DUS3L: variants seen among roughly 807,000 people sequenced by gnomAD.
The protein encoded by DUS3L is tRNA-dihydrouridine(47) synthase [NAD(P)(+)]-like.
A neutral mutation model predicts 74.6 loss-of-function variants in DUS3L; 62 were observed. The ratio of observed to expected loss-of-function variants is 0.83; its 90% CI spans 0.68 to 1.03. The LOEUF is 1.03. Among genes scored for constraint, DUS3L ranks in the 50% least tolerant of loss-of-function variants. DUS3L has a pLI of 0.00. For synonymous variants in DUS3L, 433 were observed against 395.7 expected, an observed-to-expected ratio of 1.09 and a Z score of -1.12; for missense variants, 884 against 924.4, an observed-to-expected ratio of 0.96 and a Z score of 0.57.
chr19:5,790,286 G>T lies in DUS3L; in HGVS notation c.148C>A (p.Gln50Lys). The part of the protein sequence containing the change: ...QFHQFLEAKG[Q>K]EKTCRETEVG... ...TCGGTTTCCCGGCAAGTCTTCTCCT[G>T]CCCTTTGGCTTCCAGGAATTGGTGA... The change falls in exon 2 of 13, where the codon CAG (glutamine) becomes AAG (lysine). Residue 50 changes from glutamine (Q) to lysine (K), a missense_variant. Physicochemically the swap from Gln to Lys is moderately conservative, Grantham distance 53. Transcript: ENST00000309061. 1.2e-6 allele frequency: 2 copies of T among 1,614,162 alleles called. No individual in the cohort carries two copies. The highest frequency in any genetic ancestry group is 1.7e-6 in the Non-Finnish European group (2 of 1,180,042).
chr19:5,785,400 G>C lies in DUS3L; in HGVS notation c.1863C>G (p.Ala621=), dbSNP rs563573076. ...CCAGGCACCTGATGCGGATCCAGTCGGCTGCCTTCTGGCTGGCCATCAGCG... is the reference window on the plus strand; with the variant it reads ...CCAGGCACCTGATGCGGATCCAGTCCGCTGCCTTCTGGCTGGCCATCAGCG... ...LETLMASQKA[A]DWIRISEMLL... Residue 621 remains alanine, a synonymous_variant, in exon 12 of 13, where the codon GCC becomes GCG. Transcript: ENST00000309061. 6.3e-7 allele frequency: 1 copy of C among 1,595,772 alleles called. No individual in the cohort carries two copies. The highest frequency in any genetic ancestry group is 2.2e-5 in the East Asian group (1 of 44,582).
At position 5,785,276 on chromosome 19, in the gene DUS3L, C is replaced by T. The variant is rs2056829687; in HGVS notation, c.1881-1G>A. 3 of 1,611,180 alleles carry T rather than the reference C, an allele frequency of 1.9e-6. No homozygotes were observed. The highest frequency in any genetic ancestry group is 1.3e-5 in the African/African-American group (1 of 75,042). ...GGGCACTGGCCCAAGGAGCATCTCG[C>T]TGTGGGAGAGCAGGTGGAAAGCGAG... On this transcript the variant is annotated splice_acceptor_variant, in intron 12 of 12. Coordinates refer to ENST00000309061, the MANE Select transcript of DUS3L (RefSeq NM_020175.3). LOFTEE classifies it high-confidence loss of function.
chr19:5,787,737 G>T, intron 5 of DUS3L, 32 bp from the exon 6 acceptor site: 1 of 1,604,578 alleles, frequency 6.2e-7, no homozygotes. Context: ...ACAGGAGGGT[G>T]AGGGGAGAGT....
At position 5,785,458 on chromosome 19, in the gene DUS3L, G is replaced by A. The variant is rs746718058; in HGVS notation, c.1805C>T (p.Pro602Leu). Residue 602 changes from proline to leucine, a missense_variant, in exon 12 of 13, where the codon CCG becomes CTG. Physicochemically the swap from Pro to Leu is moderately conservative, Grantham distance 98 (BLOSUM62 -3). Transcript: ENST00000309061. ...ERLPQRINER[P>L]PYYLGRDYLE... Reference sequence around the variant, plus strand: ...GTAGTCGCGGCCCAGGTAGTAGGGCGGCCGCTCGTTGATCCTCTGTGGGAG... The same window carrying A: ...GTAGTCGCGGCCCAGGTAGTAGGGCAGCCGCTCGTTGATCCTCTGTGGGAG... 1.6e-5 allele frequency: 26 copies of A among 1,585,774 alleles called. No homozygotes were observed. The highest frequency in any genetic ancestry group is 9.4e-5 in the African/African-American group (7 of 74,458).
chr19:5,790,919 C>G, intron 1 of DUS3L, 125 bp downstream of exon 1: 1 of 950,536 alleles, frequency 1.1e-6, no homozygotes. Context: ...GAAGAACGGC[C>G]CGGAATGAAG....
intron 1 of DUS3L, 84 bp downstream of exon 1, chr19:5,790,960 C>T (rs1001076536): frequency 2.5e-5 from 34 of 1,361,734 alleles, no homozygotes; most frequent in Non-Finnish European, 3.4e-5. Flanking sequence ...CAGCCGCTGC[C>T]TAATCTCCCG....
Position 5,790,186 on chromosome 19 carries a change from G to A in DUS3L, c.248C>T (p.Ala83Val), listed in dbSNP as rs1208235354. 2 of 1,613,992 alleles carry A rather than the reference G, an allele frequency of 1.2e-6. No individual in the cohort carries two copies. Among genetic ancestry groups the A allele is most frequent in the African/African-American group, 2.7e-5 (2 of 74,902 alleles). The change falls in exon 2 of 13, where the codon GCG becomes GTG. Residue 83 changes from alanine to valine, a missense_variant. Ala to Val is a moderately conservative substitution (Grantham distance 64, BLOSUM62 0). Transcript: ENST00000309061. ...TGCTGCCTCCTCCGTCTGCCCGTCC[G>A]CCGTCTGTCCATCCTCCAGTCGGAT... ...KRIRLEDGQT[A>V]DGQTEEAAEP...
At chr19:5,788,629 CCT>C (rs1282193612) in intron 3 of DUS3L, among the ~76,000 whole-genome samples, 10 of 141,512 alleles carry the variant, frequency 7.1e-5, no homozygotes. Flanking sequence ...CCCAATGCCC[CCT>C]CTTCCAGGAA....
Position 5,785,395 on chromosome 19 carries a change from C to T in DUS3L, c.1868G>A (p.Trp623Ter), listed in dbSNP as rs1479941878. ...TLMASQKAADWIRISEMLLGP... is the reference protein window; with the variant it reads ...TLMASQKAAD ...CCCACCCAGGCACCTGATGCGGATC[C>T]AGTCGGCTGCCTTCTGGCTGGCCAT... The change falls in exon 12 of 13, where the codon TGG becomes TAG. Residue 623 changes from tryptophan (W) to a stop codon, truncating the protein, a stop_gained. Transcript: ENST00000309061. LOFTEE classifies it high-confidence loss of function. The T allele has an allele frequency of 1.3e-6, 2 of 1,596,696 alleles. No homozygotes were observed. Among genetic ancestry groups the T allele is most frequent in the Non-Finnish European group, 1.7e-6 (2 of 1,171,138 alleles).
intron 2 of DUS3L, 151 bp from the exon 3 acceptor site, chr19:5,789,870 A>T (rs892114323): frequency 1.6e-6 from 2 of 1,288,214 alleles, no homozygotes; most frequent in Admixed American, 4.7e-5. Context: ...CATTTATACA[A>T]TGAGAACAAT....
At chr19:5,790,896 C>T (rs1285847581) in intron 1 of DUS3L, 148 bp downstream of exon 1, 11 of 763,078 alleles carry the variant, frequency 1.4e-5, no homozygotes, top group African/African-American at 7.0e-5. Flanking sequence ...CTCCGCTGAC[C>T]ACCCTGCAGG....
At chr19:5,789,878 A>G in intron 2 of DUS3L, 159 bp from the exon 3 acceptor site, 3 of 1,298,822 alleles carry the variant, frequency 2.3e-6, no homozygotes, top group Non-Finnish European at 3.2e-6. Flanking sequence ...CAATGAGAAC[A>G]ATGACAAGCC....
At position 5,790,070 on chromosome 19, in the gene DUS3L, T is replaced by G. The variant is rs1159079537; in HGVS notation, c.364A>C (p.Arg122=). ...GCCTGGATTAGGGAGGGACACAGCC[T>G]GTTCTTGTCGTAGTTCGTGGGCTTC... ...HVKPTNYDKN[R]LCPSLIQESA... The change falls in exon 2 of 13, where the codon AGG becomes CGG. Residue 122 remains arginine (R), a synonymous_variant. Transcript: ENST00000309061. 1 of 1,614,128 alleles carries G rather than the reference T, an allele frequency of 6.2e-7. No homozygotes were observed. Among genetic ancestry groups the G allele is most frequent in the South Asian group, 1.1e-5 (1 of 91,080 alleles).
At position 5,785,626 on chromosome 19, in the gene DUS3L, G is replaced by A. The variant is rs1381482255; in HGVS notation, c.1728C>T (p.Leu576=). Residue 576 remains leucine, a synonymous_variant, in exon 11 of 13, where the codon CTC becomes CTT. Transcript: ENST00000309061. ...QGVEKTRRFL[L]EWLSFLCRYV... Reference sequence around the variant, plus strand: ...ACCGGCACAGGAAGGACAGCCACTCGAGCAGAAAGCGCCGGGTCTTCTCCA... The same window carrying A: ...ACCGGCACAGGAAGGACAGCCACTCAAGCAGAAAGCGCCGGGTCTTCTCCA... 6.8e-6 allele frequency: 11 copies of A among 1,609,044 alleles called. No homozygotes were observed. Among genetic ancestry groups the A allele is most frequent in the South Asian group, 3.3e-5 (3 of 90,844 alleles).
In DUS3L at chr19:5,788,107, C is replaced by T. The variant is rs751287901; in HGVS notation, c.1012G>A (p.Val338Ile). 6.2e-6 allele frequency: 10 copies of T among 1,613,632 alleles called. No individual in the cohort carries two copies. The highest frequency in any genetic ancestry group is 4.5e-5 in the East Asian group (2 of 44,894). ...TGGCCCTGCAGCAGGTTGGTGCAGA[C>T]GGCCATCTCTCCACATGTCACATCC... is the stretch of plus-strand genomic sequence containing the variant. Reference protein sequence around the residue: ...GADVTCGEMAVCTNLLQGQMS... With the variant: ...GADVTCGEMAICTNLLQGQMS... The change falls in exon 5 of 13, where the codon GTC becomes ATC. Residue 338 changes from valine (V) to isoleucine (I), a missense_variant. Transcript: ENST00000309061.
chr19:5,788,307 G>GACCA (rs1440709001), intron 4 of DUS3L, 50 bp downstream of exon 4: 7 of 1,612,612 alleles, frequency 4.3e-6, no homozygotes, highest in Non-Finnish European at 5.9e-6. Flanking sequence ...CTGTTGGAAT[G>GACCA]ACCACACTGC....
intron 3 of DUS3L, 136 bp from the exon 4 acceptor site, chr19:5,788,534 T>C: frequency 1.1e-6 from 1 of 881,684 alleles, no homozygotes; most frequent in South Asian, 1.6e-5. Flanking sequence ...CCTCTGCATG[T>C]GCCAATCAAT....
In DUS3L at chr19:5,789,400, C is replaced by A; in HGVS notation, c.707G>T (p.Ser236Ile). 1 of 1,592,764 alleles carries A rather than the reference C, an allele frequency of 6.3e-7. No individual in the cohort carries two copies. ...AGCGGCAGCGGGTGTGGGGCCCTGGCTGAACCGGCGCAGGGCCTGCTCAGC... is the reference window on the plus strand; with the variant it reads ...AGCGGCAGCGGGTGTGGGGCCCTGGATGAACCGGCGCAGGGCCTGCTCAGC... ...ERAEQALRRF[S>I]QGPTPAAAVP... The change falls in exon 3 of 13, where the codon AGC becomes ATC. Residue 236 changes from serine (S) to isoleucine (I), a missense_variant. Transcript: ENST00000309061.
Position 5,789,249 on chromosome 19 carries a change from C to G in DUS3L, c.858G>C (p.Thr286=). 1 of 1,568,268 alleles carries G rather than the reference C, an allele frequency of 6.4e-7. No individual in the cohort carries two copies. The change falls in exon 3 of 13, where the codon ACG becomes ACC. Residue 286 remains threonine (T), a synonymous_variant. Coordinates refer to ENST00000309061, the MANE Select transcript of DUS3L (RefSeq NM_020175.3). ...GCCGCAGCCTGACCACGTCCTCATCCGTCAGGGGCCCGCAGGTCCGCACGG... is the reference window on the plus strand; with the variant it reads ...GCCGCAGCCTGACCACGTCCTCATCGGTCAGGGGCCCGCAGGTCCGCACGG... ...SSPVRTCGPL[T]DEDVVRLRPC...
Sources: gnomAD v4.1 joint callset for allele counts (sites outside exome capture counted in the v4.1 genomes callset) on GRCh38, gnomAD v4.1.1 for gene constraint, MANE v1.5 for transcripts, NCBI Gene and HGNC (gene_info 2026-07-23, HGNC 2026-07-21) for gene names.